Variants in SNX29 observed in about 807,000 individuals in gnomAD.
SNX29 encodes the protein sorting nexin-29.
Under a neutral mutation model 102.1 loss-of-function variants are expected in SNX29, and 78 were observed. The observed-to-expected ratio is 0.76, with a 90% CI of 0.64 to 0.92. The LOEUF is 0.92. SNX29 is among the 40% of genes least tolerant of loss of function. The pLI, the probability that SNX29 is intolerant of heterozygous loss-of-function variation, is 0.00. For missense variants in SNX29, 1,280 were observed against 1,061.7 expected (o/e 1.21, Z -2.86); for synonymous variants, 580 against 414.5 (o/e 1.40, Z -4.85).
chr16:12,378,425 G>A (rs952391336), intron 16 of SNX29, among the ~76,000 whole-genome samples: 50 of 152,258 alleles, frequency 3.3e-4, no homozygotes, highest in Middle Eastern at 3.4e-3. Flanking sequence ...TGAGGCAGGC[G>A]GATTACCTGA....
At chr16:12,048,787 C>G (rs1294360153) in intron 7 of SNX29, among the ~76,000 whole-genome samples, 167 bp downstream of exon 7, 1 of 152,210 alleles carries the variant, frequency 6.6e-6, no homozygotes, top group Non-Finnish European at 1.5e-5. Context: ...TGAAAGGGCT[C>G]TGACGGCCTT....
chr16:11,993,506 A>G (rs1436583405), intron 1 of SNX29, among the ~76,000 whole-genome samples: 1 of 152,156 alleles, frequency 6.6e-6, no homozygotes, highest in Non-Finnish European at 1.5e-5. Flanking sequence ...TGATAATGAT[A>G]GCTAATTTTA....
At chr16:12,545,181 A>G (rs1180595937) in intron 20 of SNX29, among the ~76,000 whole-genome samples, 3 of 152,296 alleles carry the variant, frequency 2.0e-5, no homozygotes, top group African/African-American at 4.8e-5. Context: ...AGAGAAACAA[A>G]TATGGTCAAT....
intron 1 of SNX29, among the ~76,000 whole-genome samples, chr16:11,980,795 C>T (rs1223313111): frequency 6.6e-6 from 1 of 152,082 alleles, no homozygotes; most frequent in Non-Finnish European, 1.5e-5. Context: ...ATTGTGTATC[C>T]TCCTTGGAGA....
chr16:12,540,689 TAGA>T (rs768371418), intron 20 of SNX29, among the ~76,000 whole-genome samples: 14 of 152,124 alleles, frequency 9.2e-5, no homozygotes, highest in Non-Finnish European at 1.9e-4. Context: ...CCTCTTGTTG[TAGA>T]AGCTCACATA....
At chr16:12,541,801 G>A (rs749164260) in intron 20 of SNX29, among the ~76,000 whole-genome samples, 6 of 152,136 alleles carry the variant, frequency 3.9e-5, no homozygotes, top group Non-Finnish European at 7.4e-5. Context: ...GAAAGGTTCA[G>A]AGGGCAGGAA....
intron 14 of SNX29, among the ~76,000 whole-genome samples, chr16:12,265,162 A>T (rs936705786): frequency 1.3e-5 from 2 of 152,180 alleles, no homozygotes; most frequent in African/African-American, 4.8e-5. Flanking sequence ...TCGAGCAAAT[A>T]CTTTTGCACC....
intron 16 of SNX29, among the ~76,000 whole-genome samples, chr16:12,390,451 G>A (rs898429527): frequency 6.6e-6 from 1 of 152,134 alleles, no homozygotes; most frequent in African/African-American, 2.4e-5. Context: ...CTGCTGTGTG[G>A]AGACTGTCTC....
intron 16 of SNX29, among the ~76,000 whole-genome samples, chr16:12,385,610 T>C (rs2083313463): frequency 6.6e-6 from 1 of 152,202 alleles, no homozygotes; most frequent in African/African-American, 2.4e-5. Context: ...GAGGGGGCTG[T>C]AGTTACCTCC....
At chr16:12,536,752 C>A (rs1046363451) in intron 20 of SNX29, among the ~76,000 whole-genome samples, 2 of 152,064 alleles carry the variant, frequency 1.3e-5, no homozygotes, top group Admixed American at 6.6e-5. Flanking sequence ...TCAAGGCAGG[C>A]GGATCAGGAG....
chr16:12,172,105 A>C (rs1384253047), intron 13 of SNX29, among the ~76,000 whole-genome samples: 1 of 152,210 alleles, frequency 6.6e-6, no homozygotes, highest in African/African-American at 2.4e-5. Context: ...CTGTTTTAGC[A>C]GTGTTTTTAT....
At chr16:12,137,492 T>C (rs1282692815) in intron 13 of SNX29, among the ~76,000 whole-genome samples, 1 of 152,196 alleles carries the variant, frequency 6.6e-6, no homozygotes, top group African/African-American at 2.4e-5. Context: ...GAGAACTTCC[T>C]TGACAGTGTT....
At chr16:12,319,702 G>C (rs978596057) in intron 15 of SNX29, among the ~76,000 whole-genome samples, 17 of 152,110 alleles carry the variant, frequency 1.1e-4, no homozygotes, top group Non-Finnish European at 1.3e-4. Flanking sequence ...GATTGTCTCG[G>C]CCATAGCTCT....
At chr16:12,111,970 G>A (rs987697061) in intron 11 of SNX29, among the ~76,000 whole-genome samples, 3 of 152,122 alleles carry the variant, frequency 2.0e-5, no homozygotes, top group East Asian at 3.8e-4. Flanking sequence ...GGAGCAGGGC[G>A]TCCGCAGACA....
At chr16:12,453,960 T>C (rs555803783) in intron 18 of SNX29, among the ~76,000 whole-genome samples, 1 of 152,100 alleles carries the variant, frequency 6.6e-6, no homozygotes, top group African/African-American at 2.4e-5. Flanking sequence ...TTTTTTTTGT[T>C]GTTGTTTTTT....
At chr16:12,013,500 A>ATATATATATATAT (rs1555518837) in intron 3 of SNX29, among the ~76,000 whole-genome samples, 2 of 31,612 alleles carry the variant, frequency 6.3e-5, no homozygotes, top group African/African-American at 9.8e-5. Flanking sequence ...AAAAAAAAAA[A>ATATATATATATAT]ATATATATAT....
chr16:12,499,526 G>A (rs1311108750), intron 19 of SNX29, among the ~76,000 whole-genome samples: 1 of 152,150 alleles, frequency 6.6e-6, no homozygotes, highest in Non-Finnish European at 1.5e-5. Flanking sequence ...CCAAAGACAG[G>A]TCCACCGCAG....
intron 16 of SNX29, among the ~76,000 whole-genome samples, chr16:12,398,063 CTG>C (rs1405035224): frequency 1.3e-5 from 2 of 152,156 alleles, no homozygotes; most frequent in East Asian, 1.9e-4. Flanking sequence ...CTGGGTGTGT[CTG>C]TGTGTGTGAT....
At chr16:12,007,616 T>C (rs2056499672) in intron 3 of SNX29, among the ~76,000 whole-genome samples, 1 of 152,234 alleles carries the variant, frequency 6.6e-6, no homozygotes, top group Non-Finnish European at 1.5e-5. Context: ...TCCTCACCGC[T>C]GATAGCTGGC....
Sources: gnomAD v4.1 joint callset for allele counts (sites outside exome capture counted in the v4.1 genomes callset) on GRCh38, gnomAD v4.1.1 for gene constraint, MANE v1.5 for transcripts, NCBI Gene and HGNC (gene_info 2026-07-23, HGNC 2026-07-21) for gene names.